Variants in F8 observed in about 807,000 individuals in gnomAD.
F8 encodes coagulation factor VIII, also known as antihemophilic factor.
A neutral mutation model predicts 140.6 loss-of-function variants in F8; 12 were observed. That is an observed-to-expected ratio of 0.09 (90% CI 0.05 to 0.14). The LOEUF (loss-of-function observed/expected upper bound fraction) is 0.14, where lower values mean the gene tolerates loss of function less well. Among genes scored for constraint, F8 ranks in the 10% least tolerant of loss-of-function variants. The pLI is 1.00. For synonymous variants in F8, 585 were observed against 614.6 expected (o/e 0.95, Z 0.71); for missense variants, 1,354 against 1,720.7 (o/e 0.79, Z 3.77).
chrX:154,931,511 C>T lies in F8; in HGVS notation c.2279G>A (p.Ser760Asn). The change falls in exon 14 of 26, where the codon AGC (serine) becomes AAC (asparagine). Residue 760 changes from serine (S) to asparagine (N), a missense_variant. Around this residue, in one of 4 missense-constraint regions of F8, gnomAD observed 658 missense variants for 666.5 expected, o/e 0.99. Coordinates refer to ENST00000360256, the MANE Select transcript of F8 (RefSeq NM_000132.4). ...AGGGTGTCTTGAATTCTGGGAGAAG[C>T]TTCTTGGTTCAATGGCATTGTTTTT... Reference protein sequence around the residue: ...LSKNNAIEPRSFSQNSRHPST... With the variant: ...LSKNNAIEPRNFSQNSRHPST... The T allele has an allele frequency of 1.7e-6, 2 of 1,211,690 alleles. No individual in the cohort carries two copies. Among genetic ancestry groups the T allele is most frequent in the Non-Finnish European group, 2.2e-6 (2 of 895,388 alleles).
At position 155,022,649 on chromosome X, in the gene F8, AT is replaced by A; in HGVS notation, c.-98del. ...GGAGGGGAAAAAAGTAAAATTTCTG[AT>A]TTAATGAAAAGTCCCAATTTCTTTG... On this transcript the variant is annotated 5_prime_UTR_variant, in exon 1 of 26. Coordinates refer to ENST00000360256, the MANE Select transcript of F8 (RefSeq NM_000132.4). The A allele has an allele frequency of 3.4e-6, 4 of 1,191,899 alleles. No homozygotes were observed. Among genetic ancestry groups the A allele is most frequent in the Non-Finnish European group, 4.5e-6 (4 of 887,496 alleles).
At chrX:154,992,603 A>G (rs1557284758) in intron 4 of F8, among the ~76,000 whole-genome samples, 1 of 112,186 alleles carries the variant, frequency 8.9e-6, no homozygotes, top group African/African-American at 3.2e-5. Flanking sequence ...TTTTCAAGGA[A>G]CCTAGCTCAA....
intron 14 of F8, among the ~76,000 whole-genome samples, chrX:154,920,473 A>T (rs1401504176): frequency 1.8e-5 from 2 of 110,325 alleles, no homozygotes; most frequent in Non-Finnish European, 3.8e-5. Context: ...TTTTTTTGAG[A>T]CAGGGTCTTG....
At chrX:154,842,928 T>A (rs868943397) in intron 25 of F8, among the ~76,000 whole-genome samples, 1 of 111,859 alleles carries the variant, frequency 8.9e-6, no homozygotes, top group Admixed American at 9.5e-5. Flanking sequence ...GTATATCTCC[T>A]AATGCTATCC....
chrX:154,955,317 ATTTTTTTT>A (rs34537569), intron 11 of F8, among the ~76,000 whole-genome samples: 3 of 66,882 alleles, frequency 4.5e-5, no homozygotes, highest in Middle Eastern at 0.01. Flanking sequence ...TGCCCAGCTA[ATTTTTTTT>A]TTTTTTTTTT....
At chrX:154,940,558 T>C (rs374656730) in intron 13 of F8, among the ~76,000 whole-genome samples, 2 of 112,080 alleles carry the variant, frequency 1.8e-5, no homozygotes, top group African/African-American at 3.2e-5. Flanking sequence ...CTGAAAGTGA[T>C]GGGGAGAATG....
chrX:154,896,023 T>G, intron 22 of F8, 54 bp downstream of exon 22: 1 of 1,139,962 alleles, frequency 8.8e-7, no homozygotes, highest in Non-Finnish European at 1.2e-6. Flanking sequence ...ATCTGAAATC[T>G]GCCAAAATTC....
At chrX:154,908,265 T>C (rs1448145245) in intron 14 of F8, among the ~76,000 whole-genome samples, 1 of 112,218 alleles carries the variant, frequency 8.9e-6, no homozygotes, top group Non-Finnish European at 1.9e-5. Flanking sequence ...TGTGTTAGAC[T>C]AGTTTTGGAT....
chrX:154,982,433 A>C (rs1474537964), intron 6 of F8, among the ~76,000 whole-genome samples: 1 of 89,902 alleles, frequency 1.1e-5, no homozygotes, highest in African/African-American at 4.5e-5. Flanking sequence ...GGGCGACAGC[A>C]AGACTCCGTC....
chrX:155,012,404 G>A (rs1387331364), intron 1 of F8, among the ~76,000 whole-genome samples: 2 of 111,050 alleles, frequency 1.8e-5, no homozygotes, highest in African/African-American at 3.3e-5. Context: ...TTGAACTCTT[G>A]GGCTCAAGTG....
intron 5 of F8, among the ~76,000 whole-genome samples, chrX:154,985,835 G>A (rs2073555777): frequency 8.9e-6 from 1 of 112,595 alleles, no homozygotes; most frequent in Admixed American, 9.4e-5. Flanking sequence ...AGAGTAAAGA[G>A]TGATATAATA....
chrX:154,981,710 A>G (rs1557283582), intron 6 of F8, among the ~76,000 whole-genome samples: 2 of 111,046 alleles, frequency 1.8e-5, no homozygotes, highest in Non-Finnish European at 3.8e-5. Flanking sequence ...TTTAAAACAC[A>G]CAGTTGACTC....
chrX:154,868,660 A>G (rs1346502111), intron 22 of F8, among the ~76,000 whole-genome samples: 1 of 111,970 alleles, frequency 8.9e-6, no homozygotes, highest in Non-Finnish European at 1.9e-5. Flanking sequence ...ACAACCAGCT[A>G]GCATCATAAT....
rs137852394 is a variant in F8 at position 154,992,996 on chromosome X, C to T, written c.541G>A (p.Val181Met). 8.3e-7 allele frequency: 1 copy of T among 1,211,947 alleles called. No homozygotes were observed. The highest frequency in any genetic ancestry group is 1.1e-6 in the Non-Finnish European group (1 of 895,548). The part of the protein sequence containing the change: ...LCLTYSYLSH[V>M]DLVKDLNSGL... ...GAATTCAAGTCTTTTACCAGGTCCA[C>T]ATGAGAAAGATATGAGTAGGTAAGG... The change falls in exon 4 of 26, where the codon GTG (valine) becomes ATG (methionine). Residue 181 changes from valine (V) to methionine (M), a missense_variant. Coordinates refer to ENST00000360256, the MANE Select transcript of F8 (RefSeq NM_000132.4).
At chrX:154,920,647 C>A (rs1419079719) in intron 14 of F8, among the ~76,000 whole-genome samples, 1 of 110,448 alleles carries the variant, frequency 9.1e-6, no homozygotes, top group Non-Finnish European at 1.9e-5. Context: ...GAGATGAGAT[C>A]TCACTATCCT....
intron 9 of F8, among the ~76,000 whole-genome samples, chrX:154,961,469 T>C (rs1338390689): frequency 6.3e-5 from 7 of 111,746 alleles, no homozygotes; most frequent in African/African-American, 2.0e-4. Flanking sequence ...GTCTCTAGAT[T>C]TCTTACAGTA....
chrX:154,940,280 G>A (rs1006914002), intron 13 of F8, among the ~76,000 whole-genome samples: 1 of 111,570 alleles, frequency 9.0e-6, no homozygotes, highest in African/African-American at 3.3e-5. Context: ...AAAATTAGAC[G>A]AATGGACAAC....
At position 154,919,422 on chromosome X, in the gene F8, T is replaced by C. The variant is rs183998214; in HGVS notation, c.5219+9149A>G. On this transcript the variant is annotated intron_variant, in intron 14 of 25. Transcript: ENST00000360256. ...CTTTCACCTTCATTCTTCAATAAAA[T>C]ATTTTTTAGATTTTCATTTTTATTA... 1.3e-4 allele frequency among the ~76,000 whole-genome samples: 14 copies of C among 110,408 alleles called. No individual in the cohort carries two copies. The East Asian group carries it at 3.7e-3, about 29-fold the overall frequency.
chrX:155,014,189 G>C (rs1277562071), intron 1 of F8, among the ~76,000 whole-genome samples: 1 of 111,689 alleles, frequency 9.0e-6, no homozygotes, highest in Non-Finnish European at 1.9e-5. Flanking sequence ...TAAACCATAT[G>C]ACCATTTGAA....
Sources: gnomAD v4.1 joint callset for allele counts (sites outside exome capture counted in the v4.1 genomes callset) on GRCh38, gnomAD v4.1.1 for gene constraint, gnomAD v4.1.1 regional missense constraint, MANE v1.5 for transcripts, NCBI Gene and HGNC (gene_info 2026-07-23, HGNC 2026-07-21) for gene names.